HTR1F: variants seen among roughly 807,000 people sequenced by gnomAD.
The protein encoded by HTR1F is 5-hydroxytryptamine (serotonin) receptor 1F, G protein-coupled.
HTR1F carries 17 observed loss-of-function variants against 24.0 expected under a neutral mutation model. The observed-to-expected ratio is 0.71, with a 90% CI of 0.48 to 1.06. HTR1F has a LOEUF of 1.06. Ranked by LOEUF, HTR1F falls within the 50% of genes least tolerant of loss-of-function variation. The probability of loss-of-function intolerance (pLI) is 0.00; values close to 1 mark genes in which losing one functional copy is unlikely to be tolerated. For synonymous variants in HTR1F, 186 were observed against 156.8 expected (o/e 1.19, Z -1.39); for missense variants, 391 against 427.8 (o/e 0.91, Z 0.76).
intron 2 of HTR1F, among the ~76,000 whole-genome samples, chr3:87,987,262 A>G (rs1269326178): frequency 6.6e-6 from 1 of 152,142 alleles, no homozygotes; most frequent in African/African-American, 2.4e-5. Flanking sequence ...TATTGGAAGT[A>G]AAGTAGAAAT....
chr3:87,942,899 C>G (rs1057507412), intron 2 of HTR1F, among the ~76,000 whole-genome samples: 7 of 152,144 alleles, frequency 4.6e-5, no homozygotes, highest in Non-Finnish European at 8.8e-5. Flanking sequence ...GAGTGATAAA[C>G]TTATCCTTTA....
chr3:87,982,797 G>C (rs1342210285), intron 2 of HTR1F, among the ~76,000 whole-genome samples: 1 of 152,134 alleles, frequency 6.6e-6, no homozygotes, highest in Non-Finnish European at 1.5e-5. Context: ...TTTTGAATAG[G>C]GGTGTCTATT....
chr3:87,887,127 C>G lies in HTR1F; in HGVS notation c.-43+65003C>G, dbSNP rs568677033. On this transcript the variant is annotated intron_variant, in intron 2 of 2. Coordinates refer to ENST00000319595, the MANE Select transcript of HTR1F (RefSeq NM_001322209.2). ...AGCATGGGACTGATACCAAAACAAACATACAGACCAATGGAACAGAACAGA... is the reference window on the plus strand; with the variant it reads ...AGCATGGGACTGATACCAAAACAAAGATACAGACCAATGGAACAGAACAGA... Among the ~76,000 whole-genome samples the G allele has an allele frequency of 5.3e-3, 803 of 152,056 alleles. 6 individuals are homozygous for G. The highest frequency in any genetic ancestry group is 0.018 in the African/African-American group (760 of 41,506).
intron 2 of HTR1F, among the ~76,000 whole-genome samples, chr3:87,822,481 C>G (rs1209058391): frequency 6.6e-6 from 1 of 152,042 alleles, no homozygotes; most frequent in Non-Finnish European, 1.5e-5. Context: ...CAGATAAAAA[C>G]CTGCAGATTT....
chr3:87,864,190 T>C (rs1343593114), intron 2 of HTR1F, among the ~76,000 whole-genome samples: 11 of 152,168 alleles, frequency 7.2e-5, no homozygotes, highest in Non-Finnish European at 1.3e-4. Flanking sequence ...GCTTCCTTAA[T>C]TCCATTTTTT....
At chr3:87,917,838 A>G (rs1576027746) in intron 2 of HTR1F, among the ~76,000 whole-genome samples, 1 of 152,200 alleles carries the variant, frequency 6.6e-6, no homozygotes, top group South Asian at 2.1e-4. Context: ...CACAAGATAG[A>G]GAAAGATGGA....
chr3:87,980,948 T>G (rs1313074673), intron 2 of HTR1F, among the ~76,000 whole-genome samples: 1 of 152,054 alleles, frequency 6.6e-6, no homozygotes, highest in African/African-American at 2.4e-5. Flanking sequence ...CCTGAGAGCA[T>G]AGGAATGTCC....
At chr3:87,957,446 T>A (rs1490839481) in intron 2 of HTR1F, among the ~76,000 whole-genome samples, 2 of 151,258 alleles carry the variant, frequency 1.3e-5, no homozygotes, top group Admixed American at 6.6e-5. Context: ...CTGGTTTTGG[T>A]CTCAGGATAA....
chr3:87,907,146 C>A (rs574453839), intron 2 of HTR1F, among the ~76,000 whole-genome samples: 1 of 151,946 alleles, frequency 6.6e-6, no homozygotes, highest in Non-Finnish European at 1.5e-5. Context: ...AGTTTACATT[C>A]CCACCAACAT....
At chr3:87,900,847 A>G (rs1248769208) in intron 2 of HTR1F, among the ~76,000 whole-genome samples, 2 of 152,196 alleles carry the variant, frequency 1.3e-5, no homozygotes, top group East Asian at 1.9e-4. Flanking sequence ...GTTTTTGGAC[A>G]TGTTACATTT....
At chr3:87,900,766 T>C (rs1366850414) in intron 2 of HTR1F, among the ~76,000 whole-genome samples, 1 of 152,186 alleles carries the variant, frequency 6.6e-6, no homozygotes, top group Middle Eastern at 3.2e-3. Context: ...GGTTTTATAC[T>C]GAGCATCTGG....
chr3:87,825,181 T>C (rs1441570360), intron 2 of HTR1F, among the ~76,000 whole-genome samples: 1 of 152,202 alleles, frequency 6.6e-6, no homozygotes, highest in Non-Finnish European at 1.5e-5. Context: ...CAAGTATGAT[T>C]TGCATCTCTC....
chr3:87,860,342 T>TGTA (rs1370511862), intron 2 of HTR1F, among the ~76,000 whole-genome samples: 1 of 152,208 alleles, frequency 6.6e-6, no homozygotes, highest in African/African-American at 2.4e-5. Context: ...CACACTGAGT[T>TGTA]GTAGTTTTTG....
intron 2 of HTR1F, among the ~76,000 whole-genome samples, chr3:87,937,294 A>T (rs1162267000): frequency 6.6e-6 from 1 of 151,830 alleles, no homozygotes; most frequent in Non-Finnish European, 1.5e-5. Flanking sequence ...GCTTCATCCC[A>T]GGGATGCAAG....
chr3:87,870,991 A>G (rs1312207379), intron 2 of HTR1F, among the ~76,000 whole-genome samples: 3 of 117,190 alleles, frequency 2.6e-5, no homozygotes, highest in Admixed American at 7.9e-5. Context: ...AAATCTCAGA[A>G]AAAAAAAAAA....
At chr3:87,854,825 G>A (rs374460291) in intron 2 of HTR1F, among the ~76,000 whole-genome samples, 6 of 151,844 alleles carry the variant, frequency 4.0e-5, no homozygotes, top group Non-Finnish European at 5.9e-5. Flanking sequence ...TTTAAGACTC[G>A]TCTTGACATT....
At chr3:87,848,845 C>T (rs565721950) in intron 2 of HTR1F, among the ~76,000 whole-genome samples, 1,896 of 151,690 alleles carry the variant, frequency 0.012, 64 homozygotes, top group African/African-American at 0.043. Context: ...CATGAGTGAA[C>T]TCCCATTCAC....
At chr3:87,812,670 T>C (rs1293064883) in intron 1 of HTR1F, among the ~76,000 whole-genome samples, 1 of 152,074 alleles carries the variant, frequency 6.6e-6, no homozygotes, top group Non-Finnish European at 1.5e-5. Flanking sequence ...TCAGAGATCT[T>C]GGTGGCAGCC....
At chr3:87,955,002 T>C (rs1368191207) in intron 2 of HTR1F, among the ~76,000 whole-genome samples, 1 of 151,378 alleles carries the variant, frequency 6.6e-6, no homozygotes, top group Non-Finnish European at 1.5e-5. Context: ...ACCCCTGCTT[T>C]ATTGTCTCAG....
Sources: gnomAD v4.1 joint callset for allele counts (sites outside exome capture counted in the v4.1 genomes callset) on GRCh38, gnomAD v4.1.1 for gene constraint, MANE v1.5 for transcripts, NCBI Gene and HGNC (gene_info 2026-07-23, HGNC 2026-07-21) for gene names.